Variants in NIBAN1 observed in about 807,000 individuals in gnomAD.
NIBAN1 encodes the protein protein Niban 1.
A neutral mutation model predicts 75.1 loss-of-function variants in NIBAN1; 81 were observed. The ratio of observed to expected loss-of-function variants is 1.08; its 90% confidence interval spans 0.90 to 1.30. The LOEUF (loss-of-function observed/expected upper bound fraction) is 1.30, where lower values mean the gene tolerates loss of function less well. Among genes scored for constraint, NIBAN1 ranks in the 50% most tolerant of loss-of-function variants. The pLI is 0.00. For missense variants in NIBAN1, 1,133 were observed against 1,128.1 expected, an observed-to-expected ratio of 1.00 and a Z score of -0.06; for synonymous variants, 436 against 424.8, an observed-to-expected ratio of 1.03 and a Z score of -0.32.
At chr1:184,899,554 AGACCCTAAGGACTAAATT>A (rs952085007) in intron 1 of NIBAN1, among the ~76,000 whole-genome samples, 3 of 152,100 alleles carry the variant, frequency 2.0e-5, no homozygotes, top group African/African-American at 7.2e-5. Context: ...GAGGCTTCAC[AGACCCTAAGGACTAAATT>A]GACCCTAAGG....
chr1:184,880,135 T>C (rs1227936812), intron 5 of NIBAN1, among the ~76,000 whole-genome samples: 1 of 152,222 alleles, frequency 6.6e-6, no homozygotes, highest in East Asian at 1.9e-4. Flanking sequence ...TTACACCTCC[T>C]TTCCAGAATC....
At chr1:184,877,001 T>C (rs114853690) in intron 5 of NIBAN1, among the ~76,000 whole-genome samples, 2,027 of 152,272 alleles carry the variant, frequency 0.013, 49 homozygotes, top group African/African-American at 0.047. Flanking sequence ...TAGATATTAG[T>C]AAACCCAATC....
Position 184,794,990 on chromosome 1 carries a change from G to T in NIBAN1, c.2774C>A (p.Pro925His). 1 of 1,610,442 alleles carries T rather than the reference G, an allele frequency of 6.2e-7. No individual in the cohort carries two copies. ...EGGQESFPEL[P>H]SEE ...AAATTGTCCCTTTCACTCCTCTGAG[G>T]GCAGCTCTGGGAAACTCTCCTGACC... The change falls in exon 14 of 14, where the codon CCC becomes CAC. Residue 925 changes from proline to histidine, a missense_variant. Transcript: ENST00000367511.
At chr1:184,798,568 T>C (rs1379631695) in intron 12 of NIBAN1, among the ~76,000 whole-genome samples, 2 of 152,174 alleles carry the variant, frequency 1.3e-5, no homozygotes, top group Non-Finnish European at 2.9e-5. Flanking sequence ...GGAGCCTCCT[T>C]TTTTCCCCTC....
chr1:184,824,965 TTTC>T (rs1162785462), intron 6 of NIBAN1, among the ~76,000 whole-genome samples: 2 of 152,194 alleles, frequency 1.3e-5, no homozygotes, highest in Admixed American at 6.5e-5. Flanking sequence ...AAATTCATTA[TTTC>T]TTCTTCTCCC....
chr1:184,968,618 A>G (rs192476704), intron 1 of NIBAN1, among the ~76,000 whole-genome samples: 52 of 152,150 alleles, frequency 3.4e-4, no homozygotes, highest in Admixed American at 8.5e-4. Context: ...ATCTTTACCC[A>G]CTTTCTACTT....
intron 1 of NIBAN1, among the ~76,000 whole-genome samples, chr1:184,910,861 C>T (rs1474217388): frequency 1.3e-5 from 2 of 152,162 alleles, no homozygotes; most frequent in Non-Finnish European, 2.9e-5. Flanking sequence ...AAATTTTCTC[C>T]TGCCTGAATC....
intron 5 of NIBAN1, among the ~76,000 whole-genome samples, chr1:184,863,940 G>A (rs141198550): frequency 2.0e-3 from 304 of 152,334 alleles, no homozygotes; most frequent in Non-Finnish European, 3.6e-3. Context: ...GGGATCGAAA[G>A]AGCATACATT....
At position 184,861,121 on chromosome 1, in the gene NIBAN1, T is replaced by C. The variant is rs569591581; in HGVS notation, c.601+23512A>G. Reference sequence around the variant, plus strand: ...TCAGTCTCTGTTGCCACTAGTCAACTCTGCCATTCTATTGCAGAAGCAGCC... The same window carrying C: ...TCAGTCTCTGTTGCCACTAGTCAACCCTGCCATTCTATTGCAGAAGCAGCC... On this transcript the variant is annotated intron_variant, in intron 5 of 13. Coordinates refer to ENST00000367511, the MANE Select transcript of NIBAN1 (RefSeq NM_052966.4). Among the ~76,000 whole-genome samples the C allele has an allele frequency of 5.6e-4, 86 of 152,366 alleles. 1 individual carries two copies. The highest frequency in any genetic ancestry group is 2.0e-3 in the African/African-American group (82 of 41,596).
Position 184,896,576 on chromosome 1 carries a change from G to A in NIBAN1, c.187-2370C>T, listed in dbSNP as rs527923222. On this transcript the variant is annotated intron_variant, in intron 2 of 13. Transcript: ENST00000367511. ...GTCCCATTTCTCTATTTTTGTTTTTGTTGCATTTGTTTTTGGGGTCTTCAT... is the reference window on the plus strand; with the variant it reads ...GTCCCATTTCTCTATTTTTGTTTTTATTGCATTTGTTTTTGGGGTCTTCAT... Among the ~76,000 whole-genome samples the A allele has an allele frequency of 9.2e-5, 14 of 151,960 alleles. No individual in the cohort carries two copies. In the South Asian group the frequency reaches 2.9e-3, roughly 32 times the overall value.
chr1:184,874,253 G>C (rs1183135875), intron 5 of NIBAN1, among the ~76,000 whole-genome samples: 1 of 151,798 alleles, frequency 6.6e-6, no homozygotes, highest in Non-Finnish European at 1.5e-5. Context: ...TAGAAGAAAG[G>C]AAACAGAAAA....
At chr1:184,929,247 G>T (rs1483912552) in intron 1 of NIBAN1, among the ~76,000 whole-genome samples, 1 of 151,916 alleles carries the variant, frequency 6.6e-6, no homozygotes, top group Non-Finnish European at 1.5e-5. Flanking sequence ...ATAATTTACA[G>T]ACAAAAATTT....
Position 184,823,309 on chromosome 1 carries a change from G to A in NIBAN1, c.843C>T (p.Thr281=). The change falls in exon 8 of 14, where the codon ACC becomes ACT. Residue 281 remains threonine (T), a synonymous_variant. Transcript: ENST00000367511. The part of the protein sequence containing the change: ...TWLGLLEEAY[T]LVQHQVSEGL... The stretch of plus-strand genomic sequence containing the variant: ...CTTCTGAAACTTGATGCTGAACCAG[G>A]GTGTAGGCCTCCTCGAGGAGCTGCA... 1 of 1,614,120 alleles carries A rather than the reference G, an allele frequency of 6.2e-7. No homozygotes were observed. Among genetic ancestry groups the A allele is most frequent in the Non-Finnish European group, 8.5e-7 (1 of 1,180,016 alleles).
intron 1 of NIBAN1, among the ~76,000 whole-genome samples, chr1:184,917,614 T>C (rs1046648256): frequency 2.6e-5 from 4 of 152,046 alleles, no homozygotes; most frequent in Admixed American, 2.0e-4. Flanking sequence ...CAAATGGAGA[T>C]ATAATAAGTT....
At chr1:184,934,119 T>G (rs901053229) in intron 1 of NIBAN1, among the ~76,000 whole-genome samples, 2 of 152,222 alleles carry the variant, frequency 1.3e-5, no homozygotes, top group Non-Finnish European at 2.9e-5. Context: ...ACATATACAC[T>G]ATGGAATACT....
At chr1:184,964,657 T>C (rs1658732840) in intron 1 of NIBAN1, among the ~76,000 whole-genome samples, 2 of 152,136 alleles carry the variant, frequency 1.3e-5, no homozygotes, top group African/African-American at 4.8e-5. Context: ...TGGTAAGGGT[T>C]CAACGAAGAC....
intron 3 of NIBAN1, 111 bp downstream of exon 3, chr1:184,893,964 C>A (rs1656734526): frequency 1.8e-6 from 2 of 1,104,750 alleles, no homozygotes. Flanking sequence ...TGTACCAGTA[C>A]CATGCTGATT....
At chr1:184,940,884 G>C (rs1658072957) in intron 1 of NIBAN1, among the ~76,000 whole-genome samples, 1 of 152,192 alleles carries the variant, frequency 6.6e-6, no homozygotes, top group African/African-American at 2.4e-5. Context: ...CATTCGATCT[G>C]CTTGAGATGT....
chr1:184,884,185 C>G (rs28524977), intron 5 of NIBAN1, among the ~76,000 whole-genome samples: 41 of 147,554 alleles, frequency 2.8e-4, no homozygotes, highest in African/African-American at 9.5e-4. Flanking sequence ...CTGTTTCCCT[C>G]TTCTTCCCTG....
Sources: allele counts gnomAD v4.1 joint callset (sites outside exome capture counted in the v4.1 genomes callset), GRCh38; gene constraint gnomAD v4.1.1; transcripts MANE v1.5; gene names NCBI Gene and HGNC (gene_info 2026-07-23, HGNC 2026-07-21).